The following PSMA4 variants were observed in gnomAD, a reference collection of about 807,000 sequenced individuals.
PSMA4 encodes the protein proteasome 20S subunit alpha 4, also known as proteasome subunit alpha type-4.
Under a neutral mutation model 37.2 loss-of-function variants are expected in PSMA4, and 8 were observed. That is an observed-to-expected ratio of 0.22 (90% CI 0.13 to 0.39). PSMA4 has a LOEUF of 0.39. Ranked by LOEUF, PSMA4 falls within the 10% of genes least tolerant of loss-of-function variation. The probability of loss-of-function intolerance (pLI) is 1.00; values close to 1 mark genes in which losing one functional copy is unlikely to be tolerated. For missense variants in PSMA4, 169 were observed against 305.1 expected, an observed-to-expected ratio of 0.55 and a Z score of 3.32; for synonymous variants, 93 against 98.8, an observed-to-expected ratio of 0.94 and a Z score of 0.35.
chr15:78,548,102 C>T (rs973674574), intron 8 of PSMA4, among the ~76,000 whole-genome samples: 2 of 151,762 alleles, frequency 1.3e-5, no homozygotes, highest in Non-Finnish European at 2.9e-5. Flanking sequence ...CGTGGTGGTG[C>T]GCACCTGTAA....
intron 4 of PSMA4, 86 bp from the exon 5 acceptor site, chr15:78,544,104 A>G: frequency 1.0e-6 from 1 of 970,370 alleles, no homozygotes. Flanking sequence ...TGAATTTCTA[A>G]TAGAAATTAG....
intron 5 of PSMA4, 117 bp downstream of exon 5, chr15:78,544,384 T>C (rs77434238): frequency 0.6 from 358,906 of 602,936 alleles, 113,888 homozygotes; most frequent in East Asian, 0.88. Flanking sequence ...GGCACGATCT[T>C]GGCTCACTGC....
Position 78,546,829 on chromosome 15 carries a change from A to C in PSMA4, c.631+131A>C. The C allele has an allele frequency of 9.4e-6, 9 of 958,384 alleles. No individual in the cohort carries two copies. In the South Asian group the frequency reaches 1.4e-4, roughly 15 times the overall value. The allele number at this position is 958,384 out of a possible 1,614,324, so 59.4% of individuals were successfully genotyped here. A position where few individuals can be genotyped will look rare whatever the true frequency, so the allele number is the denominator to read the frequency against. ...TTGCCAGGCTGGAGTGCAGTGGCGC[A>C]ATCTCAGCTCACTGCAACCTCCGCC... On this transcript the variant is annotated intron_variant, in intron 8 of 8. Coordinates refer to ENST00000044462, the MANE Select transcript of PSMA4 (RefSeq NM_002789.6).
At chr15:78,543,180 G>A (rs1442966534) in intron 4 of PSMA4, among the ~76,000 whole-genome samples, 4 of 152,198 alleles carry the variant, frequency 2.6e-5, no homozygotes, top group Admixed American at 6.5e-5. Context: ...ATATTTGAGT[G>A]TGCAGAACTT....
At chr15:78,547,557 C>T (rs552676146) in intron 8 of PSMA4, among the ~76,000 whole-genome samples, 14 of 152,198 alleles carry the variant, frequency 9.2e-5, no homozygotes, top group African/African-American at 2.4e-4. Context: ...ATATTTCAGT[C>T]GAGCTTGGTG....
intron 7 of PSMA4, among the ~76,000 whole-genome samples, chr15:78,546,024 C>T (rs2052545106): frequency 6.6e-6 from 1 of 152,170 alleles, no homozygotes; most frequent in Non-Finnish European, 1.5e-5. Context: ...ATCTAGTTTA[C>T]AGACCCCCTG....
At chr15:78,545,500 T>A in intron 6 of PSMA4, 134 bp from the exon 7 acceptor site, 1 of 1,011,804 alleles carries the variant, frequency 9.9e-7, no homozygotes, top group Non-Finnish European at 1.5e-6. Flanking sequence ...TTATCTATGG[T>A]AGCCAGAATA....
chr15:78,544,551 G>A (rs994144918), intron 5 of PSMA4: 8 of 430,198 alleles, frequency 1.9e-5, no homozygotes, highest in Admixed American at 1.2e-4. Context: ...CGCCTGCCTT[G>A]GCCTCCCAAA....
chr15:78,541,747 A>T (rs2052457276), intron 1 of PSMA4, 158 bp from the exon 2 acceptor site: 1 of 647,248 alleles, frequency 1.5e-6, no homozygotes, highest in Non-Finnish European at 2.7e-6. Flanking sequence ...GCTTTTCAGG[A>T]CAGGAACTGG....
chr15:78,546,210 G>A (rs1002295601), intron 7 of PSMA4, among the ~76,000 whole-genome samples: 5 of 152,114 alleles, frequency 3.3e-5, no homozygotes, highest in Non-Finnish European at 2.9e-5. Context: ...TTGGGAGGCC[G>A]AGGCAGGCAA....
rs1422900640 is a variant in PSMA4, at chr15:78,551,798, A to T, written c.*2854A>T. The stretch of plus-strand genomic sequence containing the variant: ...CCATCCAGATCAGTAGCACTGGTGG[A>T]TTTTCTGTATCCTGACTACCCCTTC... On this transcript the variant is annotated 3_prime_UTR_variant, in exon 9 of 9. Transcript: ENST00000044462. 6.6e-6 allele frequency: 1 copy of T among 152,038 alleles called. No individual in the cohort carries two copies. Among genetic ancestry groups the T allele is most frequent in the African/African-American group, 2.4e-5 (1 of 41,388 alleles). The allele number at this position is 152,038 out of a possible 1,614,324, so 9.4% of individuals were successfully genotyped here.
Position 78,549,545 on chromosome 15 carries a change from T to A in PSMA4, c.*601T>A, listed in dbSNP as rs1378952479. The A allele has an allele frequency of 6.6e-6, 1 of 152,324 alleles. No individual in the cohort carries two copies. The highest frequency in any genetic ancestry group is 1.9e-4 in the East Asian group (1 of 5,204). The allele number at this position is 152,324 out of a possible 1,614,324, so 9.4% of individuals were successfully genotyped here. A position where few individuals can be genotyped will look rare whatever the true frequency, so the allele number is the denominator to read the frequency against. On this transcript the variant is annotated 3_prime_UTR_variant, in exon 9 of 9. Coordinates refer to ENST00000044462, the MANE Select transcript of PSMA4 (RefSeq NM_002789.6). ...CTGAAGGGAGCTCTGTTGCTGGGGTTTGTTCAACCTGAGTTCCCTTGGCTA... is the reference window on the plus strand; with the variant it reads ...CTGAAGGGAGCTCTGTTGCTGGGGTATGTTCAACCTGAGTTCCCTTGGCTA...
chr15:78,550,769 G>A lies in PSMA4; in HGVS notation c.*1825G>A, dbSNP rs1470196338. 1 of 152,122 alleles carries A rather than the reference G, an allele frequency of 6.6e-6. No homozygotes were observed. Among genetic ancestry groups the A allele is most frequent in the African/African-American group, 2.4e-5 (1 of 41,396 alleles). 9.4% of individuals were successfully genotyped at this position (152,122 alleles called of 1,614,324 possible). On this transcript the variant is annotated 3_prime_UTR_variant, in exon 9 of 9. Transcript: ENST00000044462. ...AGCTGAAACAAGAATTCAGAGTGTC[G>A]CCTTGCTCAACCTCAGATGGGAACA...
intron 8 of PSMA4, among the ~76,000 whole-genome samples, chr15:78,547,012 C>T (rs149419282): frequency 0.011 from 1,736 of 152,268 alleles, 34 homozygotes; most frequent in African/African-American, 0.038. Context: ...GTGATCCTCC[C>T]GCTTCAGCCT....
chr15:78,544,319 CTT>C (rs751005514), intron 5 of PSMA4, 52 bp downstream of exon 5: 13,112 of 1,035,894 alleles, frequency 0.013, no homozygotes, highest in Middle Eastern at 0.017. Context: ...TTTGATGTTT[CTT>C]TTTTTTTTTT....
At chr15:78,545,802 G>A in intron 7 of PSMA4, 38 bp downstream of exon 7, 1 of 1,603,964 alleles carries the variant, frequency 6.2e-7, no homozygotes, top group Non-Finnish European at 8.5e-7. Context: ...CTAGCAGAAT[G>A]TCTAATAACT....
intron 8 of PSMA4, 81 bp downstream of exon 8, chr15:78,546,779 T>C: frequency 6.8e-7 from 1 of 1,475,396 alleles, no homozygotes; most frequent in Non-Finnish European, 9.1e-7. Flanking sequence ...TTTTTTTTTT[T>C]TTTTTGAGAT....
At position 78,549,089 on chromosome 15, in the gene PSMA4, G is replaced by A; in HGVS notation, c.*145G>A. 1 of 1,211,714 alleles carries A rather than the reference G, an allele frequency of 8.3e-7. No homozygotes were observed. The highest frequency in any genetic ancestry group is 1.5e-5 in the African/African-American group (1 of 64,702). The allele number at this position is 1,211,714 out of a possible 1,614,324, so 75.1% of individuals were successfully genotyped here. On this transcript the variant is annotated 3_prime_UTR_variant, in exon 9 of 9. Transcript: ENST00000044462. Reference sequence around the variant, plus strand: ...ACTGAATTGGGTCCTTGTCATTTCTGTCCAATTGAATACTTTATTGTAACG... The same window carrying A: ...ACTGAATTGGGTCCTTGTCATTTCTATCCAATTGAATACTTTATTGTAACG...
chr15:78,546,783 T>C, intron 8 of PSMA4, 85 bp downstream of exon 8: 1 of 1,226,004 alleles, frequency 8.2e-7, no homozygotes, highest in Non-Finnish European at 1.1e-6. Flanking sequence ...TTTTTTTTTT[T>C]TGAGATGGAG....
Sources: gnomAD v4.1 joint callset for allele counts (sites outside exome capture counted in the v4.1 genomes callset) on GRCh38, gnomAD v4.1.1 for gene constraint, MANE v1.5 for transcripts, NCBI Gene and HGNC (gene_info 2026-07-23, HGNC 2026-07-21) for gene names.